PDHB: variants seen among roughly 807,000 people sequenced by gnomAD.
PDHB encodes pyruvate dehydrogenase E1 subunit beta.
In PDHB, 17 loss-of-function variants were observed where a neutral mutation model predicts 42.8. The observed-to-expected ratio is 0.40, with a 90% CI of 0.27 to 0.60. The LOEUF is 0.60. Ranked by LOEUF, PDHB falls within the 20% of genes least tolerant of loss-of-function variation. The probability of loss-of-function intolerance (pLI) is 0.46; values close to 1 mark genes in which losing one functional copy is unlikely to be tolerated. For missense variants in PDHB, 322 were observed against 451.3 expected, an observed-to-expected ratio of 0.71 and a Z score of 2.60; for synonymous variants, 154 against 148.7, an observed-to-expected ratio of 1.04 and a Z score of -0.26.
rs774212597 is a variant in PDHB at position 58,429,710 on chromosome 3, C to T, written c.790G>A (p.Glu264Lys). ...AVLSKEGVEC[E>K]VINMRTIRPM... The stretch of plus-strand genomic sequence containing the variant: ...AGAACAAGTAAATGTCCACTCACCT[C>T]ACATTCAACTCCTTCTTTAGATAGC... The change falls in exon 8 of 10, where the codon GAG (glutamate) becomes AAG (lysine). Residue 264 changes from glutamate (E) to lysine (K), a missense_variant and splice_region_variant. Physicochemically the swap from Glu to Lys is moderately conservative, Grantham distance 56. Coordinates refer to ENST00000302746, the MANE Select transcript of PDHB (RefSeq NM_000925.4). 1.3e-5 allele frequency: 21 copies of T among 1,591,184 alleles called. No homozygotes were observed. The highest frequency in any genetic ancestry group is 1.6e-5 in the Non-Finnish European group (19 of 1,159,168).
rs7231 is a variant in PDHB, at chr3:58,427,738, G to C, written c.*296C>G. 0.76 allele frequency: 381,495 copies of C among 499,658 alleles called. 146,715 individuals carry two copies. Among genetic ancestry groups the C allele is most frequent in the East Asian group, 0.81 (14,511 of 17,880 alleles). 31.0% of individuals were successfully genotyped at this position (499,658 alleles called of 1,614,324 possible). ...TATCTTGTTTGGATACATCTTTCAT[G>C]AGGACTCTGCCACATCCATACTTTG... is the stretch of plus-strand genomic sequence containing the variant. On this transcript the variant is annotated 3_prime_UTR_variant, in exon 10 of 10. Transcript: ENST00000302746.
At chr3:58,428,647 T>C (rs763932421) in intron 8 of PDHB, 33 bp from the exon 9 acceptor site, 2 of 1,588,080 alleles carry the variant, frequency 1.3e-6, no homozygotes, top group Non-Finnish European at 1.7e-6. Context: ...TTTACAGAGC[T>C]ATTGCAGCAC....
At chr3:58,433,600 C>A in intron 2 of PDHB, 31 bp downstream of exon 2, 2 of 1,597,348 alleles carry the variant, frequency 1.3e-6, no homozygotes, top group Non-Finnish European at 8.5e-7. Flanking sequence ...ACCCTCCCCG[C>A]CCTCGTCCGA....
At chr3:58,430,614 GT>G in intron 6 of PDHB, 42 bp downstream of exon 6, 1 of 1,549,154 alleles carries the variant, frequency 6.5e-7, no homozygotes, top group Non-Finnish European at 8.9e-7. Context: ...TATCATTTTA[GT>G]TTTTCAATCT....
chr3:58,431,902 ACTT>A lies in PDHB; in HGVS notation c.176_178del (p.Glu59del). The A allele has an allele frequency of 6.2e-7, 1 of 1,613,796 alleles. No individual in the cohort carries two copies. Among genetic ancestry groups the A allele is most frequent in the Non-Finnish European group, 8.5e-7 (1 of 1,179,654 alleles). ...CTTGTATGCCCCATCATACTGGGCA[ACTT>A]CTTCTCCAAGCAGAAATACCTTCTC... On this transcript the variant is annotated inframe_deletion, in exon 3 of 10. Transcript: ENST00000302746. This position sits in a 1 kb window ranked among gnomAD's most constrained non-coding sequence, Gnocchi z 4.4.
Position 58,433,677 on chromosome 3 carries a change from C to T in PDHB, c.50G>A (p.Gly17Glu). 1 of 1,612,832 alleles carries T rather than the reference C, an allele frequency of 6.2e-7. No homozygotes were observed. Among genetic ancestry groups the T allele is most frequent in the Non-Finnish European group, 8.5e-7 (1 of 1,179,680 alleles). The part of the protein sequence containing the change: ...LVRRPLREVS[G>E]LLKRRFHWTA... ...CCAGTGAAAGCGCCTCTTCAGCAGC[C>T]CGGAGACCTGGCAGGGAGAGAGGAA... Residue 17 changes from glycine (G) to glutamate (E), a missense_variant, in exon 2 of 10, where the codon GGG (glycine) becomes GAG (glutamate). Physicochemically the swap from Gly to Glu is moderately conservative, Grantham distance 98 (BLOSUM62 -2). This residue lies in a region of PDHB where 58 missense variants were observed against 42.1 expected (regional missense o/e 1.38). Transcript: ENST00000302746.
chr3:58,429,303 C>G (rs1381942216), intron 8 of PDHB, among the ~76,000 whole-genome samples: 1 of 152,126 alleles, frequency 6.6e-6, no homozygotes, highest in African/African-American at 2.4e-5. Flanking sequence ...ATAACTAGCA[C>G]ATGGTGAGTT....
chr3:58,431,527 T>C lies in PDHB; in HGVS notation c.303+66A>G. On this transcript the variant is annotated intron_variant, in intron 5 of 9. Transcript: ENST00000302746. The surrounding 1 kb of genome is among the most constrained non-coding windows in gnomAD (Gnocchi z 4.4). ...GGCTGGACAACAGAGTGAGACTCTGTCTCAAAAGAAAAAAAAAGAAAACAA... is the reference window on the plus strand; with the variant it reads ...GGCTGGACAACAGAGTGAGACTCTGCCTCAAAAGAAAAAAAAAGAAAACAA... 5 of 1,306,752 alleles carry C rather than the reference T, an allele frequency of 3.8e-6. No homozygotes were observed. The highest frequency in any genetic ancestry group is 1.7e-5 in the Admixed American group (1 of 59,352). 80.9% of individuals were successfully genotyped at this position (1,306,752 alleles called of 1,614,324 possible).
At position 58,431,188 on chromosome 3, in the gene PDHB, G is replaced by C. The variant is rs1229411818; in HGVS notation, c.304-246C>G. 1.4e-5 allele frequency: 8 copies of C among 556,588 alleles called. No homozygotes were observed. The highest frequency in any genetic ancestry group is 2.6e-5 in the Non-Finnish European group (8 of 313,130). 34.5% of individuals were successfully genotyped at this position (556,588 alleles called of 1,614,324 possible). ...CCCGAGTAGCTGGGACTGCAGGCAA[G>C]CACCACCACATCTACCTACTTGGTA... On this transcript the variant is annotated intron_variant, in intron 5 of 9. Coordinates refer to ENST00000302746, the MANE Select transcript of PDHB (RefSeq NM_000925.4). The surrounding 1 kb of genome is among the most constrained non-coding windows in gnomAD (Gnocchi z 4.4).
At chr3:58,432,060 C>G in intron 2 of PDHB, 76 bp from the exon 3 acceptor site, 1 of 952,998 alleles carries the variant, frequency 1.0e-6, no homozygotes, top group South Asian at 1.3e-5. Flanking sequence ...TTATATTTAC[C>G]TAGGCTGCCC....
At chr3:58,428,699 T>C (rs2062894664) in intron 8 of PDHB, 85 bp from the exon 9 acceptor site, 2 of 1,236,838 alleles carry the variant, frequency 1.6e-6, no homozygotes, top group Admixed American at 3.5e-5. Flanking sequence ...CTTTTTTGTT[T>C]CCTGTTAATC....
At chr3:58,429,451 G>T (rs987002836) in intron 8 of PDHB, among the ~76,000 whole-genome samples, 1 of 151,790 alleles carries the variant, frequency 6.6e-6, no homozygotes, top group African/African-American at 2.4e-5. Context: ...TTTCTCTCTC[G>T]GGGGGTATCA....
chr3:58,431,453 C>T lies in PDHB; in HGVS notation c.303+140G>A, dbSNP rs2062919538. On this transcript the variant is annotated intron_variant, in intron 5 of 9. Transcript: ENST00000302746. The surrounding 1 kb of genome is among the most constrained non-coding windows in gnomAD (Gnocchi z 4.4). Reference sequence around the variant, plus strand: ...ACCCCAGCCACTATGGAGGCTGAGGCAGGAGAATTGCTTGAACCTGGAAGC... The same window carrying T: ...ACCCCAGCCACTATGGAGGCTGAGGTAGGAGAATTGCTTGAACCTGGAAGC... The T allele has an allele frequency of 5.3e-6, 4 of 747,674 alleles. No homozygotes were observed. In the Admixed American group the frequency reaches 8.5e-5, roughly 16 times the overall value. The allele number at this position is 747,674 out of a possible 1,614,324, so 46.3% of individuals were successfully genotyped here. A position where few individuals can be genotyped will look rare whatever the true frequency, so the allele number is the denominator to read the frequency against.
At chr3:58,430,590 C>G in intron 6 of PDHB, 67 bp downstream of exon 6, 4 of 1,277,834 alleles carry the variant, frequency 3.1e-6, no homozygotes, top group Non-Finnish European at 3.4e-6. Context: ...TTAATGGTTT[C>G]CTCTGTGCAA....
chr3:58,431,770 T>C lies in PDHB; in HGVS notation c.228A>G (p.Lys76=), dbSNP rs780552911. 3 of 1,614,040 alleles carry C rather than the reference T, an allele frequency of 1.9e-6. No individual in the cohort carries two copies. The highest frequency in any genetic ancestry group is 8.5e-7 in the Non-Finnish European group (1 of 1,179,892). Residue 76 remains lysine, a synonymous_variant, in exon 4 of 10, where the codon AAA becomes AAG. Coordinates refer to ENST00000302746, the MANE Select transcript of PDHB (RefSeq NM_000925.4). The surrounding 1 kb of genome is among the most constrained non-coding windows in gnomAD (Gnocchi z 4.4). The stretch of plus-strand genomic sequence containing the variant: ...TGTCAATAATCCTCTTGTCTCCATA[T>C]TTCTTCCACAGCCCTCGACTAACCT... ...AYKVSRGLWK[K]YGDKRIIDTP...
chr3:58,433,713 G>A, intron 1 of PDHB, 29 bp from the exon 2 acceptor site: 3 of 1,612,544 alleles, frequency 1.9e-6, no homozygotes, highest in Non-Finnish European at 2.5e-6. Context: ...GATGACGGCG[G>A]GACGCAGGGT....
Position 58,432,152 on chromosome 3 carries a change from T to C in PDHB, c.97-168A>G, listed in dbSNP as rs371760500. The stretch of plus-strand genomic sequence containing the variant: ...CTAAAAGTAACATTTCTATTACACA[T>C]AGTTGGTCTTTGCATGTGTTAATGT... On this transcript the variant is annotated intron_variant, in intron 2 of 9. Transcript: ENST00000302746. 1.9e-4 allele frequency: 128 copies of C among 656,850 alleles called. 3 individuals are homozygous for C. Among genetic ancestry groups the C allele is most frequent in the East Asian group, 1.8e-3 (66 of 36,162 alleles). 40.7% of individuals were successfully genotyped at this position (656,850 alleles called of 1,614,324 possible). A position where few individuals can be genotyped will look rare whatever the true frequency, so the allele number is the denominator to read the frequency against.
In PDHB at chr3:58,433,805, GC is replaced by G; in HGVS notation, c.4del (p.Ala2ArgfsTer18). The G allele has an allele frequency of 6.2e-7, 1 of 1,611,058 alleles. No individual in the cohort carries two copies. The highest frequency in any genetic ancestry group is 8.5e-7 in the Non-Finnish European group (1 of 1,179,188). ...TCTCCGCACCAAGCCAGACACCGCC[GC>G]CATCTTGGTCGTGTCCTCTATCCGC... is the stretch of plus-strand genomic sequence containing the variant. M[A>X]AVSGLVRRPL... is the part of the protein sequence containing the mutation. On this transcript the variant is annotated frameshift_variant, in exon 1 of 10. Transcript: ENST00000302746. LOFTEE classifies it high-confidence loss of function.
In PDHB at chr3:58,429,796, G is replaced by C; in HGVS notation, c.704C>G (p.Thr235Arg). The C allele has an allele frequency of 6.3e-7, 1 of 1,595,080 alleles. No homozygotes were observed. The highest frequency in any genetic ancestry group is 8.6e-7 in the Non-Finnish European group (1 of 1,162,566). Residue 235 changes from threonine to arginine, a missense_variant, in exon 8 of 10, where the codon ACA becomes AGA. Around this residue, in one of 3 missense-constraint regions of PDHB, gnomAD observed 208 missense variants for 285.0 expected, o/e 0.73. Coordinates refer to ENST00000302746, the MANE Select transcript of PDHB (RefSeq NM_000925.4). ...IGKAKIERQGTHITVVSHSRP... is the reference protein window; with the variant it reads ...IGKAKIERQGRHITVVSHSRP... ...TGAATGGGAAACCACAGTTATATGT[G>C]TTCCTGAAAACAGAGTGGTCACAGA... is the stretch of plus-strand genomic sequence containing the variant.
Sources: gnomAD v4.1 joint callset for allele counts (sites outside exome capture counted in the v4.1 genomes callset) on GRCh38, gnomAD v4.1.1 for gene constraint, gnomAD v4.1.1 regional missense constraint, Gnocchi (gnomAD v3.1) non-coding constraint, MANE v1.5 for transcripts, NCBI Gene and HGNC (gene_info 2026-07-23, HGNC 2026-07-21) for gene names.